Variants in CACNA1G observed in about 807,000 individuals in gnomAD.
CACNA1G encodes voltage-dependent T-type calcium channel subunit alpha-1G.
Under a neutral mutation model 219.4 loss-of-function variants are expected in CACNA1G, and 67 were observed. That is an observed-to-expected ratio of 0.31 (90% CI 0.25 to 0.37). The LOEUF is 0.37. Ranked by LOEUF, CACNA1G falls within the 10% of genes least tolerant of loss-of-function variation. CACNA1G has a pLI of 1.00. For synonymous variants in CACNA1G, 1,296 were observed against 1,345.3 expected, an observed-to-expected ratio of 0.96 and a Z score of 0.80; for missense variants, 2,380 against 3,231.4, an observed-to-expected ratio of 0.74 and a Z score of 6.39.
chr17:50,626,884 C>A lies in CACNA1G; in HGVS notation c.*133C>A. On this transcript the variant is annotated 3_prime_UTR_variant, in exon 38 of 38. Coordinates refer to ENST00000359106, the MANE Select transcript of CACNA1G (RefSeq NM_018896.5). The surrounding 1 kb of genome is among the most constrained non-coding windows in gnomAD (Gnocchi z 4.3). ...GAGGCGCTCCTCCCTGCCTCAGTGG[C>A]TCTGGGTACCTGCAAGCAGAACTTC... 9.0e-7 allele frequency: 1 copy of A among 1,108,816 alleles called. No individual in the cohort carries two copies. Among genetic ancestry groups the A allele is most frequent in the South Asian group, 1.2e-5 (1 of 80,178 alleles). The allele number at this position is 1,108,816 out of a possible 1,614,324, so 68.7% of individuals were successfully genotyped here.
intron 26 of CACNA1G, among the ~76,000 whole-genome samples, chr17:50,614,510 C>T (rs1177031155): frequency 6.6e-6 from 1 of 152,238 alleles, no homozygotes; most frequent in Non-Finnish European, 1.5e-5. Context: ...CTCCTGCCCC[C>T]AGATTTATTC....
chr17:50,603,280 C>A lies in CACNA1G; in HGVS notation c.4169+81C>A. ...CATCTCCCACCGCCAGCACTCCCTG[C>A]CACGAAACAAAAGCCTGCACAGGCC... On this transcript the variant is annotated intron_variant, in intron 21 of 37. Coordinates refer to ENST00000359106, the MANE Select transcript of CACNA1G (RefSeq NM_018896.5). The surrounding 1 kb of genome is among the most constrained non-coding windows in gnomAD (Gnocchi z 6.4). 2.3e-6 allele frequency: 3 copies of A among 1,299,230 alleles called. No individual in the cohort carries two copies. Among genetic ancestry groups the A allele is most frequent in the Non-Finnish European group, 3.2e-6 (3 of 939,978 alleles). 80.5% of individuals were successfully genotyped at this position (1,299,230 alleles called of 1,614,324 possible).
At chr17:50,570,456 T>G (rs1470905769) in intron 4 of CACNA1G, among the ~76,000 whole-genome samples, 1 of 152,058 alleles carries the variant, frequency 6.6e-6, no homozygotes, top group Non-Finnish European at 1.5e-5. Context: ...CTGCAGATGG[T>G]CCCTGCTGTG....
In CACNA1G at chr17:50,617,896, G is replaced by A. The variant is rs373241368; in HGVS notation, c.5193G>A (p.Ala1731=). ...TGAAGATGGCTGTGGGCATGCGGGC[G>A]CTGCTGGACACGGTGATGCAGGCCC... ...KLLKMAVGMR[A]LLDTVMQALP... The change falls in exon 30 of 38, where the codon GCG becomes GCA. Residue 1731 remains alanine, a synonymous_variant. Coordinates refer to ENST00000359106, the MANE Select transcript of CACNA1G (RefSeq NM_018896.5). The surrounding 1 kb of genome is among the most constrained non-coding windows in gnomAD (Gnocchi z 5.8). 72 of 1,613,614 alleles carry A rather than the reference G, an allele frequency of 4.5e-5. No individual in the cohort carries two copies. The highest frequency in any genetic ancestry group is 5.6e-5 in the Non-Finnish European group (66 of 1,179,890).
At chr17:50,566,282 G>A (rs1468674746) in intron 1 of CACNA1G, among the ~76,000 whole-genome samples, 1 of 151,706 alleles carries the variant, frequency 6.6e-6, no homozygotes, top group Non-Finnish European at 1.5e-5. Context: ...AAGGAAACAA[G>A]CCCTACTCTG....
In CACNA1G at chr17:50,600,922, C is replaced by G. The variant is rs1044087357; in HGVS notation, c.3791+96C>G. On this transcript the variant is annotated intron_variant, in intron 18 of 37. Coordinates refer to ENST00000359106, the MANE Select transcript of CACNA1G (RefSeq NM_018896.5). This position sits in a 1 kb window ranked among gnomAD's most constrained non-coding sequence, Gnocchi z 4.1. ...GCTGTCAGGGATTTGAGAAGTGGCA[C>G]CCTGCCTGGGGTGTGAGCAGGGTGG... 1.9e-6 allele frequency: 3 copies of G among 1,564,946 alleles called. No individual in the cohort carries two copies. In the African/African-American group the frequency reaches 4.0e-5, roughly 21 times the overall value.
intron 34 of CACNA1G, among the ~76,000 whole-genome samples, chr17:50,620,718 C>A (rs1266072801): frequency 1.3e-5 from 2 of 152,168 alleles, no homozygotes; most frequent in Admixed American, 6.5e-5. Context: ...TTAGCCTGAT[C>A]CCAGAAAAAT....
At chr17:50,588,726 C>G (rs1228447460) in intron 9 of CACNA1G, among the ~76,000 whole-genome samples, 1 of 152,078 alleles carries the variant, frequency 6.6e-6, no homozygotes, top group East Asian at 1.9e-4. Flanking sequence ...AGCCACTCCC[C>G]CTCTGCATAG....
chr17:50,572,983 G>A, intron 6 of CACNA1G, 38 bp from the exon 7 acceptor site: 1 of 1,564,458 alleles, frequency 6.4e-7, no homozygotes, highest in Non-Finnish European at 8.7e-7. Context: ...GGAGGATTTG[G>A]TGGGCCCATA....
chr17:50,596,148 C>T lies in CACNA1G; in HGVS notation c.2980-414C>T, dbSNP rs1383626751. 6.6e-6 allele frequency among the ~76,000 whole-genome samples: 1 copy of T among 152,084 alleles called. No individual in the cohort carries two copies. The highest frequency in any genetic ancestry group is 1.5e-5 in the Non-Finnish European group (1 of 68,006). On this transcript the variant is annotated intron_variant, in intron 14 of 37. Coordinates refer to ENST00000359106, the MANE Select transcript of CACNA1G (RefSeq NM_018896.5). The surrounding 1 kb of genome is among the most constrained non-coding windows in gnomAD (Gnocchi z 4.8). ...AGTCTGAGGCTCAGGGGAGGGGAGC[C>T]GTGGAGAGAAAGCAAAGGGCCTCCA...
chr17:50,593,199 G>A (rs1195705754), intron 13 of CACNA1G, among the ~76,000 whole-genome samples: 1 of 152,132 alleles, frequency 6.6e-6, no homozygotes, highest in East Asian at 1.9e-4. Flanking sequence ...ACTAATTTGG[G>A]GGTTCCCTGA....
At chr17:50,564,856 A>AG (rs540990577) in intron 1 of CACNA1G, among the ~76,000 whole-genome samples, 123 of 151,880 alleles carry the variant, frequency 8.1e-4, no homozygotes, top group African/African-American at 2.9e-3. Context: ...AATGGGATTG[A>AG]GGGGGGGCCA....
Position 50,569,273 on chromosome 17 carries a change from C to T in CACNA1G, c.463C>T (p.Leu155Phe). 1 of 1,613,804 alleles carries T rather than the reference C, an allele frequency of 6.2e-7. No individual in the cohort carries two copies. The highest frequency in any genetic ancestry group is 8.5e-7 in the Non-Finnish European group (1 of 1,179,838). Reference sequence around the variant, plus strand: ...TTACCTGGGAGACACTTGGAACCGGCTTGACTTTTTCATCGTCATCGCAGG... The same window carrying T: ...TTACCTGGGAGACACTTGGAACCGGTTTGACTTTTTCATCGTCATCGCAGG... ...KCYLGDTWNR[L>F]DFFIVIAGML... The change falls in exon 3 of 38, where the codon CTT becomes TTT. Residue 155 changes from leucine (L) to phenylalanine (F), a missense_variant. Transcript: ENST00000359106.
At chr17:50,605,540 T>C (rs570328317) in intron 22 of CACNA1G, among the ~76,000 whole-genome samples, 22 of 152,310 alleles carry the variant, frequency 1.4e-4, no homozygotes, top group African/African-American at 5.3e-4. Flanking sequence ...GAGTGTATGA[T>C]TCAGCAGATC....
In CACNA1G at chr17:50,576,055, G is replaced by T. The variant is rs1283443139; in HGVS notation, c.1653G>T (p.Glu551Asp). The change falls in exon 8 of 38, where the codon GAG (glutamate) becomes GAT (aspartate). Residue 551 changes from glutamate (E) to aspartate (D), a missense_variant. Physicochemically the swap from Glu to Asp is conservative, Grantham distance 45. Coordinates refer to ENST00000359106, the MANE Select transcript of CACNA1G (RefSeq NM_018896.5). ...ALSGAPPGGA[E>D]SVHSFYHADC... Reference sequence around the variant, plus strand: ...CCGGGGCCCCCCCTGGTGGCGCAGAGTCTGTGCACAGCTTCTACCATGCCG... The same window carrying T: ...CCGGGGCCCCCCCTGGTGGCGCAGATTCTGTGCACAGCTTCTACCATGCCG... 6.3e-7 allele frequency: 1 copy of T among 1,580,934 alleles called. No homozygotes were observed. The highest frequency in any genetic ancestry group is 8.6e-7 in the Non-Finnish European group (1 of 1,164,634).
Position 50,590,509 on chromosome 17 carries a change from C to G in CACNA1G, c.2340C>G (p.Ile780Met). 1 of 1,613,940 alleles carries G rather than the reference C, an allele frequency of 6.2e-7. No homozygotes were observed. Among genetic ancestry groups the G allele is most frequent in the Non-Finnish European group, 8.5e-7 (1 of 1,179,854 alleles). The change falls in exon 10 of 38, where the codon ATC becomes ATG. Residue 780 changes from isoleucine (I) to methionine (M), a missense_variant. Coordinates refer to ENST00000359106, the MANE Select transcript of CACNA1G (RefSeq NM_018896.5). ...ELTNALEISN[I>M]VFTSLFALEM... is the part of the protein sequence containing the mutation. ...CCAACGCCCTAGAAATCAGCAACAT[C>G]GTCTTCACCAGCCTCTTTGCCCTGG...
chr17:50,610,628 A>C (rs1000555320), intron 26 of CACNA1G, among the ~76,000 whole-genome samples: 7 of 152,040 alleles, frequency 4.6e-5, no homozygotes, highest in Non-Finnish European at 8.8e-5. Context: ...GTGGAGGCTC[A>C]TGGAGTCCGT....
Position 50,627,172 on chromosome 17 carries a change from T to C in CACNA1G, c.*421T>C, listed in dbSNP as rs1360366363. The C allele has an allele frequency of 1.1e-5, 5 of 456,216 alleles. No homozygotes were observed. Among genetic ancestry groups the C allele is most frequent in the Middle Eastern group, 6.8e-4 (1 of 1,474 alleles). 28.3% of individuals were successfully genotyped at this position (456,216 alleles called of 1,614,324 possible). ...GAGGCGAAGGCGTCTGTCTCTTGGC[T>C]ATTTTAACCTAAAATAACAGTCTAG... On this transcript the variant is annotated 3_prime_UTR_variant, in exon 38 of 38. Transcript: ENST00000359106.
At chr17:50,572,919 G>C in intron 6 of CACNA1G, 65 bp downstream of exon 6, 1 of 1,582,302 alleles carries the variant, frequency 6.3e-7, no homozygotes, top group Non-Finnish European at 8.6e-7. Context: ...CCCAGGATCG[G>C]AGTGGTCGCT....
Sources: gnomAD v4.1 joint callset for allele counts (sites outside exome capture counted in the v4.1 genomes callset) on GRCh38, gnomAD v4.1.1 for gene constraint, Gnocchi (gnomAD v3.1) non-coding constraint, MANE v1.5 for transcripts, NCBI Gene and HGNC (gene_info 2026-07-23, HGNC 2026-07-21) for gene names.